ZNF362: variants seen among roughly 807,000 people sequenced by gnomAD.
The protein encoded by ZNF362 is rotund homolog.
Under a neutral mutation model 42.9 loss-of-function variants are expected in ZNF362, and 11 were observed. The observed-to-expected ratio is 0.26, with a 90% CI of 0.16 to 0.42. The LOEUF is 0.42. Among genes scored for constraint, ZNF362 ranks in the 20% least tolerant of loss-of-function variants. ZNF362 has a pLI of 1.00. For missense variants in ZNF362, 362 were observed against 576.2 expected (o/e 0.63, Z 3.81); for synonymous variants, 255 against 257.3 (o/e 0.99, Z 0.09).
At chr1:33,243,660 G>A in the ZNF362 span, among the ~76,000 whole-genome samples, 4 of 150,208 alleles carry the variant, frequency 2.7e-5, no homozygotes, top group Admixed American at 6.6e-5. Flanking sequence ...GCAGTGGTGC[G>A]ATCTCAGCTC....
chr1:33,127,593 C>T, the ZNF362 span, among the ~76,000 whole-genome samples: 9 of 152,146 alleles, frequency 5.9e-5, no homozygotes, highest in Non-Finnish European at 1.2e-4. Flanking sequence ...CCCAGGGTAA[C>T]ACCGGAAGTG....
intron 6 of ZNF362, among the ~76,000 whole-genome samples, chr1:33,291,791 C>T (rs1646080161): frequency 6.6e-6 from 1 of 152,244 alleles, no homozygotes; most frequent in Middle Eastern, 3.4e-3. Flanking sequence ...CTTCACATCC[C>T]TTGTAAGTTG....
At position 33,299,574 on chromosome 1, in the gene ZNF362, G is replaced by C. The variant is rs1646151350; in HGVS notation, c.*528G>C. ...CCCCAGGTGGGAGGGGCAGGAAGCA[G>C]CCGGAGTGAGCCCTTCGCCCCTGAG... On this transcript the variant is annotated 3_prime_UTR_variant, in exon 9 of 9. Coordinates refer to ENST00000539719, the MANE Select transcript of ZNF362 (RefSeq NM_152493.3). 6.5e-6 allele frequency: 1 copy of C among 154,986 alleles called. No homozygotes were observed. The highest frequency in any genetic ancestry group is 1.9e-4 in the East Asian group (1 of 5,230). The allele number at this position is 154,986 out of a possible 1,614,324, so 9.6% of individuals were successfully genotyped here.
At chr1:33,229,824 G>C in the ZNF362 span, among the ~76,000 whole-genome samples, 1 of 151,998 alleles carries the variant, frequency 6.6e-6, no homozygotes, top group Non-Finnish European at 1.5e-5. Context: ...AGTAACCCGC[G>C]TCCCTCCCTC....
chr1:33,189,718 T>TATATATATATATATATATAC, the ZNF362 span, among the ~76,000 whole-genome samples: 17 of 125,792 alleles, frequency 1.4e-4, 1 homozygote, highest in African/African-American at 5.1e-4. Flanking sequence ...CGTATATATA[T>TATATATATATATATATATAC]ACATACACAC....
chr1:33,239,751 G>A, the ZNF362 span, among the ~76,000 whole-genome samples: 1 of 152,166 alleles, frequency 6.6e-6, no homozygotes, highest in African/African-American at 2.4e-5. Context: ...CCCTTGACAC[G>A]TGGAGATTAC....
the ZNF362 span, among the ~76,000 whole-genome samples, chr1:33,222,798 T>C: frequency 1.3e-5 from 2 of 152,186 alleles, no homozygotes; most frequent in African/African-American, 2.4e-5. Flanking sequence ...TTGAGTACCC[T>C]AGTGATGTGG....
chr1:33,226,763 G>T, the ZNF362 span, among the ~76,000 whole-genome samples: 1 of 152,202 alleles, frequency 6.6e-6, no homozygotes, highest in Non-Finnish European at 1.5e-5. Flanking sequence ...TACTTGGGAG[G>T]CTGTGGCATG....
chr1:33,274,872 C>T lies in ZNF362; in HGVS notation c.39-1228C>T, dbSNP rs1645930983. On this transcript the variant is annotated intron_variant, in intron 2 of 8. Coordinates refer to ENST00000539719, the MANE Select transcript of ZNF362 (RefSeq NM_152493.3). ...CTGATAAAATGGTATAATAATACCT[C>T]TTGTGCCTACTTTCAAGTAAAGATC... is the stretch of plus-strand genomic sequence containing the variant. 5.7e-6 allele frequency: 5 copies of T among 872,732 alleles called. No individual in the cohort carries two copies. In the South Asian group the frequency reaches 2.6e-4, roughly 46 times the overall value. 54.1% of individuals were successfully genotyped at this position (872,732 alleles called of 1,614,324 possible).
chr1:33,132,353 C>T, the ZNF362 span, among the ~76,000 whole-genome samples: 3 of 152,208 alleles, frequency 2.0e-5, no homozygotes, highest in East Asian at 5.8e-4. Context: ...TTCATTCTGC[C>T]CTGCAGAGCA....
At chr1:33,287,038 G>A (rs189432286) in intron 6 of ZNF362, among the ~76,000 whole-genome samples, 1 of 152,332 alleles carries the variant, frequency 6.6e-6, no homozygotes, top group Non-Finnish European at 1.5e-5. Context: ...TTGGCCTGCA[G>A]CGTGAAAGGA....
At chr1:33,145,092 T>C in the ZNF362 span, among the ~76,000 whole-genome samples, 1 of 152,356 alleles carries the variant, frequency 6.6e-6, no homozygotes, top group East Asian at 1.9e-4. Flanking sequence ...CTCTTGCCAC[T>C]GCCCCATGAG....
the ZNF362 span, among the ~76,000 whole-genome samples, chr1:33,216,784 A>G: frequency 1.3e-5 from 2 of 151,940 alleles, no homozygotes; most frequent in Admixed American, 1.3e-4. Flanking sequence ...ACAGGAAGGT[A>G]AAAAGACTTG....
the ZNF362 span, among the ~76,000 whole-genome samples, chr1:33,250,397 T>C: frequency 1.3e-5 from 2 of 152,218 alleles, no homozygotes; most frequent in African/African-American, 4.8e-5. Flanking sequence ...CATGGAATAC[T>C]ATGCAGCCAT....
the ZNF362 span, among the ~76,000 whole-genome samples, chr1:33,134,543 T>C: frequency 1.3e-5 from 2 of 152,240 alleles, no homozygotes; most frequent in East Asian, 3.9e-4. Context: ...AAGACAGAGC[T>C]AGGACCACCA....
Position 33,299,123 on chromosome 1 carries a change from G to A in ZNF362, c.*77G>A, listed in dbSNP as rs1646146927. 8.6e-7 allele frequency: 1 copy of A among 1,162,096 alleles called. No homozygotes were observed. The highest frequency in any genetic ancestry group is 1.8e-5 in the Admixed American group (1 of 56,474). The allele number at this position is 1,162,096 out of a possible 1,614,324, so 72.0% of individuals were successfully genotyped here. On this transcript the variant is annotated 3_prime_UTR_variant, in exon 9 of 9. Coordinates refer to ENST00000539719, the MANE Select transcript of ZNF362 (RefSeq NM_152493.3). ...CAGCACCAGGCCCCAGCTCCCTCCGGGGGCCCTCCAGGAACCACCAAGCTC... is the reference window on the plus strand; with the variant it reads ...CAGCACCAGGCCCCAGCTCCCTCCGAGGGCCCTCCAGGAACCACCAAGCTC...
chr1:33,210,463 C>A, the ZNF362 span, among the ~76,000 whole-genome samples: 2 of 152,140 alleles, frequency 1.3e-5, no homozygotes, highest in African/African-American at 4.8e-5. Flanking sequence ...GAGATGAGTT[C>A]AAGTCCTGGA....
chr1:33,180,457 C>T, the ZNF362 span, among the ~76,000 whole-genome samples: 1 of 152,138 alleles, frequency 6.6e-6, no homozygotes, highest in Non-Finnish European at 1.5e-5. Flanking sequence ...GGCACCCTAA[C>T]TTATACCACT....
At chr1:33,274,762 A>T (rs762771292) in intron 2 of ZNF362, 41 of 187,424 alleles carry the variant, frequency 2.2e-4, no homozygotes, top group Non-Finnish European at 3.9e-4. Context: ...AGCAAATCTG[A>T]TTTCTAGTTT....
Sources: gnomAD v4.1 joint callset for allele counts (sites outside exome capture counted in the v4.1 genomes callset) on GRCh38, gnomAD v4.1.1 for gene constraint, MANE v1.5 for transcripts, NCBI Gene and HGNC (gene_info 2026-07-23, HGNC 2026-07-21) for gene names.